The following TNKS1BP1 variants were observed in gnomAD, a reference collection of about 807,000 sequenced individuals.
The protein encoded by TNKS1BP1 is CCR4-NOT transcription complex subunit 12.
A neutral mutation model predicts 141.1 loss-of-function variants in TNKS1BP1; 48 were observed. The ratio of observed to expected loss-of-function variants is 0.34; its 90% CI spans 0.27 to 0.43. The LOEUF is 0.43. TNKS1BP1 is among the 20% of genes least tolerant of loss of function. The pLI, the probability that TNKS1BP1 is intolerant of heterozygous loss-of-function variation, is 1.00. For missense variants in TNKS1BP1, 2,149 were observed against 2,226.0 expected, an observed-to-expected ratio of 0.97 and a Z score of 0.70; for synonymous variants, 875 against 898.2, an observed-to-expected ratio of 0.97 and a Z score of 0.46.
Position 57,302,377 on chromosome 11 carries a change from A to G in TNKS1BP1, c.4683+82T>C. 6.5e-7 allele frequency: 1 copy of G among 1,544,332 alleles called. No individual in the cohort carries two copies. The highest frequency in any genetic ancestry group is 2.3e-5 in the East Asian group (1 of 43,918). ...CCCGCTTTCTGCCTCCTGGACTGGG[A>G]CTGCTCAGGGAAGCTCCAGGAATGG... On this transcript the variant is annotated intron_variant, in intron 7 of 11. Coordinates refer to ENST00000358252, the MANE Select transcript of TNKS1BP1 (RefSeq NM_033396.3). The surrounding 1 kb of genome is among the most constrained non-coding windows in gnomAD (Gnocchi z 5.5).
At position 57,312,856 on chromosome 11, in the gene TNKS1BP1, G is replaced by A; in HGVS notation, c.1832C>T (p.Ala611Val). ...CAGGACTGGCTCCAGGATGGGCAAG[G>A]CTGCCTCCCTGGTAGCCAGGGGGAG... ...SPLPLATREAALPILEPVLGQ... is the reference protein window; with the variant it reads ...SPLPLATREAVLPILEPVLGQ... The change falls in exon 5 of 12, where the codon GCC becomes GTC. Residue 611 changes from alanine to valine, a missense_variant. Transcript: ENST00000358252. 1 of 1,609,864 alleles carries A rather than the reference G, an allele frequency of 6.2e-7. No individual in the cohort carries two copies. The highest frequency in any genetic ancestry group is 1.1e-5 in the South Asian group (1 of 90,504).
intron 4 of TNKS1BP1, among the ~76,000 whole-genome samples, chr11:57,315,759 C>G (rs1855789911): frequency 6.6e-6 from 1 of 150,978 alleles, no homozygotes; most frequent in Non-Finnish European, 1.5e-5. Flanking sequence ...CCCCCACCGC[C>G]ACACACACAC....
At chr11:57,306,330 T>C (rs1465314178) in intron 6 of TNKS1BP1, among the ~76,000 whole-genome samples, 1 of 151,264 alleles carries the variant, frequency 6.6e-6, no homozygotes, top group Non-Finnish European at 1.5e-5. Context: ...TTTCCCTACA[T>C]CAGAATTTCC....
chr11:57,324,716 C>A lies in TNKS1BP1; in HGVS notation c.-66+124G>T, dbSNP rs1267843113. On this transcript the variant is annotated intron_variant, in intron 1 of 11. Transcript: ENST00000358252. ...CGGCCCCTGCAAACTTTCCTGGTGA[C>A]CCCCCGACCACCACCACCTCAACCC... 1.2e-5 allele frequency: 11 copies of A among 914,208 alleles called. No homozygotes were observed. The South Asian group carries it at 3.0e-4, about 25-fold the overall frequency. The allele number at this position is 914,208 out of a possible 1,614,324, so 56.6% of individuals were successfully genotyped here.
chr11:57,306,928 G>A (rs1219957884), intron 6 of TNKS1BP1, among the ~76,000 whole-genome samples: 2 of 151,284 alleles, frequency 1.3e-5, no homozygotes, highest in African/African-American at 4.9e-5. Flanking sequence ...GGTGGGAGGG[G>A]GGCAGTGGTC....
chr11:57,323,858 T>C (rs1855921758), intron 1 of TNKS1BP1, among the ~76,000 whole-genome samples: 1 of 152,154 alleles, frequency 6.6e-6, no homozygotes, highest in Admixed American at 6.5e-5. Flanking sequence ...ACCAAAAAAA[T>C]CCTTTCACCT....
In TNKS1BP1 at chr11:57,310,121, C is replaced by A; in HGVS notation, c.2590G>T (p.Asp864Tyr). Reference sequence around the variant, plus strand: ...GAATCTCTCTTTCCGAATTCCTGGTCCTGGAGTTCTGCATCCCGGCTGGAG... The same window carrying A: ...GAATCTCTCTTTCCGAATTCCTGGTACTGGAGTTCTGCATCCCGGCTGGAG... ...TYSSRDAELQDQEFGKRDSLG... is the reference protein window; with the variant it reads ...TYSSRDAELQYQEFGKRDSLG... Residue 864 changes from aspartate to tyrosine, a missense_variant, in exon 6 of 12, where the codon GAC becomes TAC. Coordinates refer to ENST00000358252, the MANE Select transcript of TNKS1BP1 (RefSeq NM_033396.3). The A allele has an allele frequency of 6.2e-7, 1 of 1,614,156 alleles. No individual in the cohort carries two copies. Among genetic ancestry groups the A allele is most frequent in the East Asian group, 2.2e-5 (1 of 44,878 alleles).
chr11:57,300,571 T>G lies in TNKS1BP1; in HGVS notation c.5159A>C (p.Gln1720Pro). Residue 1720 changes from glutamine (Q) to proline (P), a missense_variant, in exon 11 of 12, where the codon CAA (glutamine) becomes CCA (proline). Coordinates refer to ENST00000358252, the MANE Select transcript of TNKS1BP1 (RefSeq NM_033396.3). The part of the protein sequence containing the change: ...GSEGSSPNWL[Q>P]ALKLKKKKV Reference sequence around the variant, plus strand: ...CTTCTTCTTCTTCAGTTTCAGGGCTTGAAGCCAGTTGGGCGACGATCCTTC... The same window carrying G: ...CTTCTTCTTCTTCAGTTTCAGGGCTGGAAGCCAGTTGGGCGACGATCCTTC... 1 of 1,614,226 alleles carries G rather than the reference T, an allele frequency of 6.2e-7. No individual in the cohort carries two copies. The highest frequency in any genetic ancestry group is 8.5e-7 in the Non-Finnish European group (1 of 1,180,040).
At chr11:57,304,621 G>A (rs1056632135) in intron 6 of TNKS1BP1, among the ~76,000 whole-genome samples, 1 of 152,182 alleles carries the variant, frequency 6.6e-6, no homozygotes, top group African/African-American at 2.4e-5. Context: ...TGTAATCCCA[G>A]CACTTTGGGA....
chr11:57,310,280 T>C lies in TNKS1BP1; in HGVS notation c.2431A>G (p.Lys811Glu). The change falls in exon 6 of 12, where the codon AAA (lysine) becomes GAA (glutamate). Residue 811 changes from lysine to glutamate, a missense_variant. Transcript: ENST00000358252. The part of the protein sequence containing the change: ...MEASSSQDQS[K>E]VSAPGVLTAQ... ...GTGAGCACCCCTGGGGCAGACACTT[T>C]ACTCTGGTCTTGGCTGCTGCTGGCC... 6 of 1,614,058 alleles carry C rather than the reference T, an allele frequency of 3.7e-6. No individual in the cohort carries two copies. The highest frequency in any genetic ancestry group is 5.1e-6 in the Non-Finnish European group (6 of 1,179,998).
chr11:57,321,744 T>TGGG, intron 2 of TNKS1BP1, 48 bp downstream of exon 2: 50 of 1,039,738 alleles, frequency 4.8e-5, no homozygotes, highest in Non-Finnish European at 6.8e-5. Flanking sequence ...CCTCTGTCCT[T>TGGG]CCCACCCCCC....
In TNKS1BP1 at chr11:57,313,205, G is replaced by C; in HGVS notation, c.1483C>G (p.Pro495Ala). The C allele has an allele frequency of 6.2e-7, 1 of 1,612,460 alleles. No homozygotes were observed. Among genetic ancestry groups the C allele is most frequent in the Non-Finnish European group, 8.5e-7 (1 of 1,179,878 alleles). Reference sequence around the variant, plus strand: ...GCTTCAGTGATGGGGGAGGGAGGCGGGGAGTCCAGCCGCCACACGCCCAGA... The same window carrying C: ...GCTTCAGTGATGGGGGAGGGAGGCGCGGAGTCCAGCCGCCACACGCCCAGA... ...SGLGVWRLDS[P>A]PPSPITEASE... Residue 495 changes from proline (P) to alanine (A), a missense_variant, in exon 5 of 12, where the codon CCG becomes GCG. Physicochemically the swap from Pro to Ala is conservative, Grantham distance 27. Coordinates refer to ENST00000358252, the MANE Select transcript of TNKS1BP1 (RefSeq NM_033396.3).
chr11:57,321,711 C>A (rs1002243703), intron 2 of TNKS1BP1, 81 bp downstream of exon 2: 13 of 1,525,144 alleles, frequency 8.5e-6, no homozygotes, highest in East Asian at 4.6e-5. Flanking sequence ...TCAACCACCC[C>A]CCAAGACAGA....
intron 4 of TNKS1BP1, among the ~76,000 whole-genome samples, chr11:57,314,654 A>G (rs1314817871): frequency 2.0e-5 from 3 of 152,300 alleles, no homozygotes; most frequent in Non-Finnish European, 4.4e-5. Flanking sequence ...CATAGGACTC[A>G]TGGGATGATG....
chr11:57,307,145 G>A (rs755297472), intron 6 of TNKS1BP1, among the ~76,000 whole-genome samples: 72 of 152,160 alleles, frequency 4.7e-4, no homozygotes, highest in Non-Finnish European at 8.1e-4. Flanking sequence ...TGAGTCCCAG[G>A]AAGAGAAATC....
At chr11:57,305,719 C>T (rs1855599784) in intron 6 of TNKS1BP1, among the ~76,000 whole-genome samples, 1 of 152,216 alleles carries the variant, frequency 6.6e-6, no homozygotes, top group African/African-American at 2.4e-5. Flanking sequence ...GCAAGTCACA[C>T]TGCCTCTCTG....
At chr11:57,300,838 GGTAATACA>G (rs1855514000) in intron 10 of TNKS1BP1, 38 bp downstream of exon 10, 2 of 1,597,994 alleles carry the variant, frequency 1.3e-6, no homozygotes, top group Non-Finnish European at 1.7e-6. Flanking sequence ...TTTTCATCAG[GGTAATACA>G]GTGAGGTCAG....
chr11:57,311,825 G>C (rs555352145), intron 5 of TNKS1BP1, among the ~76,000 whole-genome samples: 29 of 152,360 alleles, frequency 1.9e-4, no homozygotes, highest in South Asian at 1.4e-3. Context: ...ACTGCACAAG[G>C]CTAACCTCCT....
At chr11:57,320,814 AT>A in intron 2 of TNKS1BP1, 102 bp from the exon 3 acceptor site, 1 of 1,337,488 alleles carries the variant, frequency 7.5e-7, no homozygotes, top group Non-Finnish European at 9.9e-7. Context: ...CGATTTAAGA[AT>A]ATTCACATCT....
Sources: allele counts gnomAD v4.1 joint callset (sites outside exome capture counted in the v4.1 genomes callset), GRCh38; gene constraint gnomAD v4.1.1; non-coding constraint Gnocchi (gnomAD v3.1); transcripts MANE v1.5; gene names NCBI Gene and HGNC (gene_info 2026-07-23, HGNC 2026-07-21).